TENM2: variants seen among roughly 807,000 people sequenced by gnomAD.
TENM2 encodes teneurin-2.
A neutral mutation model predicts 245.2 loss-of-function variants in TENM2; 52 were observed. That is an observed-to-expected ratio of 0.21 (90% confidence interval 0.17 to 0.27). The LOEUF (loss-of-function observed/expected upper bound fraction) is 0.27, where lower values mean the gene tolerates loss of function less well. Among genes scored for constraint, TENM2 ranks in the 10% least tolerant of loss-of-function variants. The pLI is 1.00. For synonymous variants in TENM2, 1,363 were observed against 1,438.9 expected (o/e 0.95, Z 1.19); for missense variants, 3,046 against 3,666.8 (o/e 0.83, Z 4.37).
At chr5:168,229,448 A>C (rs923915102) in intron 25 of TENM2, 6 of 152,182 alleles carry the variant, frequency 3.9e-5, no homozygotes, top group African/African-American at 1.4e-4. Flanking sequence ...TGGCATACAA[A>C]GCAAAGGCCA....
chr5:167,775,763 A>G (rs1436772467), intron 2 of TENM2, among the ~76,000 whole-genome samples: 1 of 152,180 alleles, frequency 6.6e-6, no homozygotes, highest in Non-Finnish European at 1.5e-5. Context: ...AGTGAATACA[A>G]TGCAGTGTAG....
chr5:167,717,365 C>A (rs902777922), intron 2 of TENM2, among the ~76,000 whole-genome samples: 1 of 152,092 alleles, frequency 6.6e-6, no homozygotes, highest in African/African-American at 2.4e-5. Context: ...CTGACCCTCC[C>A]GCTACCCGCC....
At chr5:167,403,616 T>TG (rs1054448260) in intron 2 of TENM2, among the ~76,000 whole-genome samples, 10 of 152,186 alleles carry the variant, frequency 6.6e-5, no homozygotes, top group Non-Finnish European at 1.3e-4. Flanking sequence ...CCTAAAACCT[T>TG]GTCTGAGTGC....
chr5:167,675,526 A>G lies in TENM2; in HGVS notation c.503-200460A>G, dbSNP rs529484410. ...GTGTCACCAGGACTGCCTGGCTTTAATCAAAGCATCCCTGGGGTCATTTGA... is the reference window on the plus strand; with the variant it reads ...GTGTCACCAGGACTGCCTGGCTTTAGTCAAAGCATCCCTGGGGTCATTTGA... On this transcript the variant is annotated intron_variant, in intron 2 of 28. Coordinates refer to ENST00000518659, the Ensembl canonical transcript of TENM2. 3.9e-5 allele frequency among the ~76,000 whole-genome samples: 6 copies of G among 152,202 alleles called. No individual in the cohort carries two copies. In the South Asian group the frequency reaches 1.2e-3, roughly 32 times the overall value.
At chr5:167,146,321 C>T in the TENM2 span, among the ~76,000 whole-genome samples, 15 of 152,226 alleles carry the variant, frequency 9.9e-5, no homozygotes, top group African/African-American at 3.1e-4. Flanking sequence ...CCCGGGTGAT[C>T]GCTTGATGCC....
chr5:167,770,035 A>C (rs1287677170), intron 2 of TENM2, among the ~76,000 whole-genome samples: 3 of 152,206 alleles, frequency 2.0e-5, no homozygotes, highest in Non-Finnish European at 4.4e-5. Flanking sequence ...CCCATCTGCC[A>C]GAAGTTTATT....
intron 2 of TENM2, among the ~76,000 whole-genome samples, chr5:167,475,440 A>T (rs1767307875): frequency 6.6e-6 from 1 of 152,188 alleles, no homozygotes. Flanking sequence ...CAGTAACTTA[A>T]ATAACATATT....
chr5:167,579,033 C>T (rs1333483600), intron 2 of TENM2, among the ~76,000 whole-genome samples: 1 of 152,208 alleles, frequency 6.6e-6, no homozygotes, highest in African/African-American at 2.4e-5. Context: ...AGATGAGTGA[C>T]TTTCCTTGTC....
intron 2 of TENM2, among the ~76,000 whole-genome samples, chr5:167,517,463 TC>T (rs1270686385): frequency 2.6e-5 from 4 of 152,146 alleles, no homozygotes; most frequent in Non-Finnish European, 5.9e-5. Context: ...AGGGTGAAAT[TC>T]CTTCACTATA....
At chr5:167,193,824 G>A in the TENM2 span, among the ~76,000 whole-genome samples, 6 of 151,994 alleles carry the variant, frequency 3.9e-5, no homozygotes, top group Non-Finnish European at 7.4e-5. Flanking sequence ...TCTTCATGGA[G>A]CTTCACAGAT....
At chr5:168,084,298 G>C (rs1000819494) in intron 7 of TENM2, among the ~76,000 whole-genome samples, 1 of 152,140 alleles carries the variant, frequency 6.6e-6, no homozygotes, top group Non-Finnish European at 1.5e-5. Context: ...TGAGTTGAAT[G>C]GTAGTTCTGT....
chr5:167,183,679 T>C, the TENM2 span, among the ~76,000 whole-genome samples: 2 of 152,166 alleles, frequency 1.3e-5, no homozygotes, highest in Non-Finnish European at 2.9e-5. Flanking sequence ...TTGCCAGCCC[T>C]CAGATTCTAT....
chr5:167,245,992 G>A, the TENM2 span, among the ~76,000 whole-genome samples: 2 of 152,142 alleles, frequency 1.3e-5, no homozygotes, highest in Non-Finnish European at 2.9e-5. Flanking sequence ...GCCATGGCTG[G>A]AGAGAATGCT....
At chr5:168,115,550 G>A (rs980035097) in intron 9 of TENM2, among the ~76,000 whole-genome samples, 1 of 152,174 alleles carries the variant, frequency 6.6e-6, no homozygotes, top group African/African-American at 2.4e-5. Flanking sequence ...GGAGACCAGT[G>A]TTGGTGATTT....
chr5:167,811,252 T>A (rs1766613496), intron 2 of TENM2, among the ~76,000 whole-genome samples: 1 of 152,044 alleles, frequency 6.6e-6, no homozygotes, highest in African/African-American at 2.4e-5. Flanking sequence ...GCAATCTTCA[T>A]TGTTGGAGGT....
chr5:167,012,107 T>C, the TENM2 span, among the ~76,000 whole-genome samples: 3 of 152,180 alleles, frequency 2.0e-5, no homozygotes, highest in African/African-American at 7.2e-5. Context: ...AGGGATTTTA[T>C]TGGCCTTTTT....
chr5:167,458,494 CA>C (rs70976430), intron 2 of TENM2, among the ~76,000 whole-genome samples: 16,949 of 82,320 alleles, frequency 0.21, 890 homozygotes, highest in African/African-American at 0.34. Context: ...CTCAAAAAAA[CA>C]AAAAAAAAAA....
intron 2 of TENM2, among the ~76,000 whole-genome samples, chr5:167,408,371 C>G (rs1315227531): frequency 6.6e-6 from 1 of 152,070 alleles, no homozygotes; most frequent in Non-Finnish European, 1.5e-5. Flanking sequence ...AACTGAGGAT[C>G]TCTTTGGCAA....
chr5:168,012,774 G>GAA (rs3056563), intron 5 of TENM2, among the ~76,000 whole-genome samples: 11,850 of 74,106 alleles, frequency 0.16, 931 homozygotes, highest in Admixed American at 0.25. Context: ...AAGAACAACT[G>GAA]AAAAAAAAAA....
Sources: allele counts gnomAD v4.1 joint callset (sites outside exome capture counted in the v4.1 genomes callset), GRCh38; gene constraint gnomAD v4.1.1; transcripts MANE v1.5; gene names NCBI Gene and HGNC (gene_info 2026-07-23, HGNC 2026-07-21).